SDK2: variants seen among roughly 807,000 people sequenced by gnomAD.
The protein encoded by SDK2 is protein sidekick-2.
Under a neutral mutation model 253.9 loss-of-function variants are expected in SDK2, and 105 were observed. That is an observed-to-expected ratio of 0.41 (90% CI 0.35 to 0.49). The LOEUF is 0.49. Among genes scored for constraint, SDK2 ranks in the 20% least tolerant of loss-of-function variants. The pLI is 0.06. For synonymous variants in SDK2, 1,249 were observed against 1,234.9 expected, an observed-to-expected ratio of 1.01 and a Z score of -0.24; for missense variants, 2,608 against 3,003.0, an observed-to-expected ratio of 0.87 and a Z score of 3.07.
intron 1 of SDK2, among the ~76,000 whole-genome samples, chr17:73,560,632 G>A (rs12937639): frequency 0.033 from 4,900 of 150,542 alleles, 92 homozygotes; most frequent in Non-Finnish European, 0.049. Context: ...GAGCCACCTC[G>A]CCTGGCCTCA....
In SDK2 at chr17:73,352,406, C is replaced by T. The variant is rs2062546440; in HGVS notation, c.5758+67G>A. The T allele has an allele frequency of 6.5e-7, 1 of 1,548,040 alleles. No homozygotes were observed. Among genetic ancestry groups the T allele is most frequent in the Non-Finnish European group, 8.7e-7 (1 of 1,144,444 alleles). ...CCCTGGTGCCTCTCCTCCTTCCGCC[C>T]TGCCCAGTGTCAGCCCCCAGGCTCT... On this transcript the variant is annotated intron_variant, in intron 41 of 44. Coordinates refer to ENST00000392650, the MANE Select transcript of SDK2 (RefSeq NM_001144952.2). The surrounding 1 kb of genome is among the most constrained non-coding windows in gnomAD (Gnocchi z 4.1).
chr17:73,444,267 C>T (rs551842019), intron 5 of SDK2, among the ~76,000 whole-genome samples: 48 of 152,182 alleles, frequency 3.2e-4, no homozygotes, highest in African/African-American at 9.6e-4. Flanking sequence ...CATTTCATGG[C>T]GTGGCTCCCT....
chr17:73,604,186 C>A (rs374209698), intron 1 of SDK2, among the ~76,000 whole-genome samples: 23 of 152,342 alleles, frequency 1.5e-4, no homozygotes, highest in East Asian at 1.3e-3. Context: ...AACGTGCTCA[C>A]ACACACTCTC....
At position 73,438,054 on chromosome 17, in the gene SDK2, C is replaced by T. The variant is rs73347768; in HGVS notation, c.826G>A (p.Gly276Ser). Residue 276 changes from glycine to serine, a missense_variant, in exon 7 of 45, where the codon GGC becomes AGC. By Grantham distance (56) the Gly-to-Ser change is moderately conservative (BLOSUM62 0). This residue lies in a region of SDK2 where 1,505 missense variants were observed against 1,859.1 expected (regional missense o/e 0.81). Transcript: ENST00000392650. Reference protein sequence around the residue: ...NRRLTIPNPTGSDAGYYECEA... With the variant: ...NRRLTIPNPTSSDAGYYECEA... ...CACTCGTAGTAGCCGGCGTCACTGC[C>T]GGTGGGGTTGGGGATGGTGAGCCGG... 7,072 of 1,551,646 alleles carry T rather than the reference C, an allele frequency of 4.6e-3. 283 individuals are homozygous for T. The African/African-American group carries it at 0.083, about 18-fold the overall frequency.
In SDK2 at chr17:73,387,984, G is replaced by A. The variant is rs558804353; in HGVS notation, c.4246C>T (p.Arg1416Cys). ...GGCTCCCAGGACAGCAGCACGCTGC[G>A]TGCTCTCACATCCTCCTGCTGCACC... is the stretch of plus-strand genomic sequence containing the variant. The part of the protein sequence containing the change: ...PMVQQEDVRA[R>C]SVLLSWEPGS... Residue 1416 changes from arginine to cysteine, a missense_variant, in exon 30 of 45, where the codon CGC (arginine) becomes TGC (cysteine). Around this residue, in one of 2 missense-constraint regions of SDK2, gnomAD observed 1,103 missense variants for 1,143.9 expected, o/e 0.96. Transcript: ENST00000392650. 167 of 1,570,568 alleles carry A rather than the reference G, an allele frequency of 1.1e-4. No individual in the cohort carries two copies. Among genetic ancestry groups the A allele is most frequent in the East Asian group, 2.4e-4 (10 of 42,214 alleles).
At chr17:73,456,153 G>A (rs2063524774) in intron 3 of SDK2, 100 bp from the exon 4 acceptor site, 13 of 1,314,150 alleles carry the variant, frequency 9.9e-6, no homozygotes, top group Middle Eastern at 3.8e-4. Flanking sequence ...CGGAAAATTC[G>A]GGGCAGACAG....
chr17:73,474,713 C>G (rs2063673853), intron 2 of SDK2, among the ~76,000 whole-genome samples: 1 of 152,152 alleles, frequency 6.6e-6, no homozygotes, highest in Non-Finnish European at 1.5e-5. Flanking sequence ...CCCCTCTCTC[C>G]CGAGGCGAGG....
At chr17:73,588,332 A>G (rs868696976) in intron 1 of SDK2, among the ~76,000 whole-genome samples, 244 of 141,228 alleles carry the variant, frequency 1.7e-3, no homozygotes, top group African/African-American at 6.1e-3. Flanking sequence ...GGTTGCGGTG[A>G]GCCGAGATCG....
intron 1 of SDK2, among the ~76,000 whole-genome samples, chr17:73,605,410 G>T (rs1027814491): frequency 3.3e-5 from 5 of 152,114 alleles, no homozygotes; most frequent in African/African-American, 1.2e-4. Flanking sequence ...AAGCACAGGG[G>T]GTGGAAAAAG....
rs768841613 is a variant in SDK2, at chr17:73,511,361, C to T, written c.65-3764G>A. On this transcript the variant is annotated intron_variant, in intron 1 of 44. Transcript: ENST00000392650. The surrounding 1 kb of genome is among the most constrained non-coding windows in gnomAD (Gnocchi z 4.9). Reference sequence around the variant, plus strand: ...GTGAGCACACACACACGCGCGAGCACGCACACGCTCTGCGCCCAGACGCCC... The same window carrying T: ...GTGAGCACACACACACGCGCGAGCATGCACACGCTCTGCGCCCAGACGCCC... 3.5e-4 allele frequency among the ~76,000 whole-genome samples: 54 copies of T among 152,202 alleles called. No homozygotes were observed. The highest frequency in any genetic ancestry group is 1.9e-4 in the Non-Finnish European group (13 of 68,030).
chr17:73,554,917 C>T (rs929307142), intron 1 of SDK2, among the ~76,000 whole-genome samples: 1 of 152,246 alleles, frequency 6.6e-6, no homozygotes, highest in Non-Finnish European at 1.5e-5. Context: ...TGTGAGTTTC[C>T]TCCTGCCAAG....
Position 73,393,614 on chromosome 17 carries a change from T to A in SDK2, c.3844A>T (p.Ile1282Phe). ...YEVQVLAFTR[I>F]GDGSPSHPPI... is the part of the protein sequence containing the mutation. ...GGGTGGCTGGGGCTGCCGTCCCCGA[T>A]GCGTGTGAAGGCCAGCACCTGGACT... Residue 1282 changes from isoleucine (I) to phenylalanine (F), a missense_variant, in exon 27 of 45, where the codon ATC becomes TTC. Ile to Phe is a conservative substitution (Grantham distance 21). This residue lies in a region of SDK2 where 1,505 missense variants were observed against 1,859.1 expected (regional missense o/e 0.81). Transcript: ENST00000392650. 2 of 1,587,950 alleles carry A rather than the reference T, an allele frequency of 1.3e-6. No individual in the cohort carries two copies. The highest frequency in any genetic ancestry group is 1.1e-5 in the South Asian group (1 of 88,022).
chr17:73,445,675 T>G (rs9908733), intron 5 of SDK2, among the ~76,000 whole-genome samples: 81,868 of 151,812 alleles, frequency 0.54, 22,292 homozygotes, highest in African/African-American at 0.55. Flanking sequence ...GGGCGAAGCG[T>G]CAATTGCTCC....
At chr17:73,406,293 G>C (rs1230177856) in intron 18 of SDK2, among the ~76,000 whole-genome samples, 1 of 148,250 alleles carries the variant, frequency 6.7e-6, no homozygotes, top group Non-Finnish European at 1.5e-5. Flanking sequence ...GCCTAGGCTA[G>C]GGTGCAGTGG....
In SDK2 at chr17:73,428,790, G is replaced by A. The variant is rs146267367; in HGVS notation, c.1583+1721C>T. Reference sequence around the variant, plus strand: ...CCCCCAGTCCAAGGAAGACAGACTGGGGTGGGAGCTGCTGGGGTGGCCTTG... The same window carrying A: ...CCCCCAGTCCAAGGAAGACAGACTGAGGTGGGAGCTGCTGGGGTGGCCTTG... On this transcript the variant is annotated intron_variant, in intron 12 of 44. Coordinates refer to ENST00000392650, the MANE Select transcript of SDK2 (RefSeq NM_001144952.2). Among the ~76,000 whole-genome samples, 199 of 152,254 alleles carry A rather than the reference G, an allele frequency of 1.3e-3. 1 individual carries two copies. Among genetic ancestry groups the A allele is most frequent in the Middle Eastern group, 3.4e-3 (1 of 294 alleles).
chr17:73,483,661 G>GTGTGTGTGTGTGTGTGTATA (rs1388091890), intron 2 of SDK2, among the ~76,000 whole-genome samples: 1 of 70,184 alleles, frequency 1.4e-5, no homozygotes, highest in African/African-American at 6.2e-5. Flanking sequence ...GTGTGTGTGT[G>GTGTGTGTGTGTGTGTGTATA]TATATATATA....
At chr17:73,420,669 T>C (rs1204324793) in intron 15 of SDK2, among the ~76,000 whole-genome samples, 1 of 150,262 alleles carries the variant, frequency 6.7e-6, no homozygotes, top group East Asian at 2.0e-4. Flanking sequence ...TAAGGGTGAT[T>C]TGGCCTTTTT....
chr17:73,440,834 A>G lies in SDK2; in HGVS notation c.703T>C (p.Leu235=), dbSNP rs1032173073. The G allele has an allele frequency of 3.2e-6, 5 of 1,551,452 alleles. No individual in the cohort carries two copies. In the Admixed American group the frequency reaches 5.9e-5, roughly 18 times the overall value. Residue 235 remains leucine, a synonymous_variant, in exon 6 of 45, where the codon TTG becomes CTG. Transcript: ENST00000392650. The part of the protein sequence containing the change: ...SVVAGTSEVT[L]ECVANARPLI... ...TACCTGGCATTGGCCACACACTCCA[A>G]GGTAACCTCTGAGGTGCCGGCCACC...
rs1317914145 is a variant in SDK2, at chr17:73,481,129, G to C, written c.225-8911C>G. On this transcript the variant is annotated intron_variant, in intron 2 of 44. Transcript: ENST00000392650. The surrounding 1 kb of genome is among the most constrained non-coding windows in gnomAD (Gnocchi z 4.5). ...GGAATTGGTTCTGGAGCAGGCACTGGGGAGGGGACAGGCAAGCCCAGGCGA... is the reference window on the plus strand; with the variant it reads ...GGAATTGGTTCTGGAGCAGGCACTGCGGAGGGGACAGGCAAGCCCAGGCGA... 6.6e-6 allele frequency among the ~76,000 whole-genome samples: 1 copy of C among 152,208 alleles called. No individual in the cohort carries two copies. Among genetic ancestry groups the C allele is most frequent in the African/African-American group, 2.4e-5 (1 of 41,450 alleles).
Sources: allele counts gnomAD v4.1 joint callset (sites outside exome capture counted in the v4.1 genomes callset), GRCh38; gene constraint gnomAD v4.1.1; regional missense constraint gnomAD v4.1.1; non-coding constraint Gnocchi (gnomAD v3.1); transcripts MANE v1.5; gene names NCBI Gene and HGNC (gene_info 2026-07-23, HGNC 2026-07-21).